Variants in VGLL4 observed in about 807,000 individuals in gnomAD.
VGLL4 encodes the protein transcription cofactor vestigial-like protein 4.
In VGLL4, 7 loss-of-function variants were observed where a neutral mutation model predicts 21.0. The observed-to-expected ratio is 0.33, with a 90% CI of 0.19 to 0.63. The LOEUF (loss-of-function observed/expected upper bound fraction) is 0.63, where lower values mean the gene tolerates loss of function less well. Ranked by LOEUF, VGLL4 falls within the 20% of genes least tolerant of loss-of-function variation. The pLI is 0.78. For missense variants in VGLL4, 394 were observed against 425.7 expected, an observed-to-expected ratio of 0.93 and a Z score of 0.66; for synonymous variants, 222 against 173.2, an observed-to-expected ratio of 1.28 and a Z score of -2.21.
rs202235626 is a variant in VGLL4, at chr3:11,716,805, C to CG, written c.-14+3588dup. 8.5e-3 allele frequency among the ~76,000 whole-genome samples: 1,279 copies of CG among 151,226 alleles called. 7 individuals carry two copies. Among genetic ancestry groups the CG allele is most frequent in the Non-Finnish European group, 0.011 (729 of 67,812 alleles). On this transcript the variant is annotated intron_variant, in intron 1 of 5. Coordinates refer to the VGLL4 transcript ENST00000273038. ...TCTTATGATACTGGGTTTTTTTTTG[C>CG]GGGGGGGTGGTTTATGTGGACAGAT...
At chr3:11,708,085 G>A (rs2076787206) in intron 1 of VGLL4, among the ~76,000 whole-genome samples, 1 of 152,144 alleles carries the variant, frequency 6.6e-6, no homozygotes, top group Admixed American at 6.6e-5. Context: ...TCCAATCTAT[G>A]TAACCCTGGG....
At chr3:11,679,636 T>C (rs867643412) in intron 2 of VGLL4, among the ~76,000 whole-genome samples, 3 of 152,026 alleles carry the variant, frequency 2.0e-5, no homozygotes, top group African/African-American at 4.8e-5. Context: ...TGAGCCGAGA[T>C]TGCACCACTG....
chr3:11,620,046 A>AC lies in VGLL4; in HGVS notation c.83-18025dup, dbSNP rs1328134479. ...GCAGAGAAAAAGAGGAGAGAGTGCC[A>AC]CCCCCCGGCAAATTAGTAATCAGGA... is the stretch of plus-strand genomic sequence containing the variant. On this transcript the variant is annotated intron_variant, in intron 1 of 4. Coordinates refer to ENST00000430365, the MANE Select transcript of VGLL4 (RefSeq NM_001128219.3). 9.7e-3 allele frequency among the ~76,000 whole-genome samples: 926 copies of AC among 95,182 alleles called. 13 individuals are homozygous for AC. The highest frequency in any genetic ancestry group is 0.027 in the African/African-American group (895 of 33,290). The allele number at this position is 95,182 out of a possible 152,430, so 62.4% of individuals were successfully genotyped here.
At chr3:11,635,225 G>A (rs1160492042) in intron 1 of VGLL4, among the ~76,000 whole-genome samples, 3 of 152,208 alleles carry the variant, frequency 2.0e-5, no homozygotes, top group Non-Finnish European at 4.4e-5. Context: ...GGATGGCAAG[G>A]ACGATACAGT....
At chr3:11,643,337 C>T (rs2075732147) in intron 1 of VGLL4, 100 bp downstream of exon 1, 2 of 1,589,122 alleles carry the variant, frequency 1.3e-6, no homozygotes, top group Non-Finnish European at 1.7e-6. Flanking sequence ...CCCTACACCC[C>T]GGAGGAGGAC....
chr3:11,616,783 AAC>A (rs2075171130), intron 1 of VGLL4, among the ~76,000 whole-genome samples: 2 of 152,268 alleles, frequency 1.3e-5, no homozygotes, highest in African/African-American at 4.8e-5. Flanking sequence ...AACTAAGGAA[AAC>A]ACACAGATGT....
chr3:11,563,638 T>C (rs73123075), intron 3 of VGLL4, among the ~76,000 whole-genome samples: 2,342 of 152,286 alleles, frequency 0.015, 43 homozygotes, highest in East Asian at 0.077. Flanking sequence ...TAACTTGGCC[T>C]CGGGTTCCAT....
chr3:11,715,289 A>C (rs754055524), intron 1 of VGLL4, among the ~76,000 whole-genome samples: 1 of 152,212 alleles, frequency 6.6e-6, no homozygotes, highest in Non-Finnish European at 1.5e-5. Context: ...ACACAGTGCA[A>C]CATTAGGTAG....
At chr3:11,569,668 C>A (rs193068570) in intron 2 of VGLL4, among the ~76,000 whole-genome samples, 1 of 152,198 alleles carries the variant, frequency 6.6e-6, no homozygotes, top group Non-Finnish European at 1.5e-5. Flanking sequence ...CAGGAGAATC[C>A]GACATCTGAG....
intron 2 of VGLL4, chr3:11,671,171 A>G (rs550607848): frequency 7.2e-7 from 1 of 1,394,484 alleles, no homozygotes; most frequent in East Asian, 2.4e-5. Flanking sequence ...AACATACCAC[A>G]CTTTTCTTTG....
At chr3:11,704,801 C>T (rs1292895731) in intron 1 of VGLL4, among the ~76,000 whole-genome samples, 1 of 152,178 alleles carries the variant, frequency 6.6e-6, no homozygotes, top group Non-Finnish European at 1.5e-5. Context: ...AAACGCATCT[C>T]AGGGAACATC....
At chr3:11,625,316 C>A (rs1339401811) in intron 1 of VGLL4, among the ~76,000 whole-genome samples, 1 of 152,202 alleles carries the variant, frequency 6.6e-6, no homozygotes, top group Non-Finnish European at 1.5e-5. Flanking sequence ...CATTTGGCAT[C>A]TCATTTGCCT....
chr3:11,582,086 T>C (rs909305795), intron 2 of VGLL4, among the ~76,000 whole-genome samples: 3 of 152,200 alleles, frequency 2.0e-5, no homozygotes, highest in Non-Finnish European at 4.4e-5. Flanking sequence ...ACAAATCTGA[T>C]TGGGACAAGG....
chr3:11,696,918 T>G (rs2076613690), intron 2 of VGLL4, among the ~76,000 whole-genome samples: 1 of 152,094 alleles, frequency 6.6e-6, no homozygotes, highest in Non-Finnish European at 1.5e-5. Flanking sequence ...AATTTTTAAA[T>G]TTTTTGTAGA....
chr3:11,599,941 G>A (rs2125262277), intron 2 of VGLL4, among the ~76,000 whole-genome samples: 1 of 152,208 alleles, frequency 6.6e-6, no homozygotes, highest in South Asian at 2.1e-4. Flanking sequence ...TATGAGGAAG[G>A]AATTAATATT....
At chr3:11,605,451 T>C (rs1365447600) in intron 1 of VGLL4, among the ~76,000 whole-genome samples, 1 of 151,822 alleles carries the variant, frequency 6.6e-6, no homozygotes, top group Non-Finnish European at 1.5e-5. Flanking sequence ...CTAGTATTCC[T>C]CTTTATGAGC....
At chr3:11,622,695 G>A (rs556078738) in intron 1 of VGLL4, among the ~76,000 whole-genome samples, 3 of 152,324 alleles carry the variant, frequency 2.0e-5, no homozygotes, top group South Asian at 2.1e-4. Context: ...TATATTTCAC[G>A]ATTAGTTCTC....
Position 11,714,862 on chromosome 3 carries a change from G to A in VGLL4, c.-14+5532C>T, listed in dbSNP as rs570281751. Reference sequence around the variant, plus strand: ...AATAAAAGATGAATTTGGGCTGGGCGCAGTGGCTCACGCCTGTAACCCCAG... The same window carrying A: ...AATAAAAGATGAATTTGGGCTGGGCACAGTGGCTCACGCCTGTAACCCCAG... On this transcript the variant is annotated intron_variant, in intron 1 of 5. Coordinates refer to the VGLL4 transcript ENST00000273038. Among the ~76,000 whole-genome samples, 27 of 152,288 alleles carry A rather than the reference G, an allele frequency of 1.8e-4. 1 individual carries two copies. Among genetic ancestry groups the A allele is most frequent in the Admixed American group, 1.3e-3 (20 of 15,296 alleles).
At chr3:11,712,606 GT>G (rs2076863441) in intron 1 of VGLL4, among the ~76,000 whole-genome samples, 1 of 152,098 alleles carries the variant, frequency 6.6e-6, no homozygotes, top group Admixed American at 6.6e-5. Flanking sequence ...AAGAATGGAA[GT>G]GACTTCCTGA....
Sources: gnomAD v4.1 joint callset for allele counts (sites outside exome capture counted in the v4.1 genomes callset) on GRCh38, gnomAD v4.1.1 for gene constraint, MANE v1.5 for transcripts, NCBI Gene and HGNC (gene_info 2026-07-23, HGNC 2026-07-21) for gene names.